The following MFSD8 variants were observed in gnomAD, a reference collection of about 807,000 sequenced individuals.
MFSD8 encodes the protein major facilitator superfamily domain containing 8, also known as major facilitator superfamily domain-containing protein 8.
A neutral mutation model predicts 66.4 loss-of-function variants in MFSD8; 55 were observed. The observed-to-expected ratio is 0.83, with a 90% CI of 0.67 to 1.04. The LOEUF is 1.04. Ranked by LOEUF, MFSD8 falls within the 50% of genes least tolerant of loss-of-function variation. The pLI, the probability that MFSD8 is intolerant of heterozygous loss-of-function variation, is 0.00. For synonymous variants in MFSD8, 202 were observed against 212.8 expected (o/e 0.95, Z 0.44); for missense variants, 550 against 627.6 (o/e 0.88, Z 1.32).
At chr4:127,956,422 C>A (rs1742878124) in intron 2 of MFSD8, among the ~76,000 whole-genome samples, 1 of 151,120 alleles carries the variant, frequency 6.6e-6, no homozygotes, top group South Asian at 2.1e-4. Context: ...ATCACGCGAA[C>A]CTGGGAGGCG....
intron 9 of MFSD8, among the ~76,000 whole-genome samples, chr4:127,923,360 C>T (rs930092649): frequency 1.3e-5 from 2 of 151,762 alleles, no homozygotes; most frequent in African/African-American, 2.4e-5. Context: ...TTATCAAAGG[C>T]CTTTTCTGCA....
Position 127,956,418 on chromosome 4 carries a change from C to A in MFSD8, c.154+1083G>T, listed in dbSNP as rs201299504. On this transcript the variant is annotated intron_variant, in intron 2 of 11. Coordinates refer to ENST00000641686, the MANE Select transcript of MFSD8 (RefSeq NM_001371596.2). ...GGGAGGCTGAGGCAGGAGAATCACG[C>A]GAACCTGGGAGGCGGAGCTTGCAGT... 2.7e-4 allele frequency among the ~76,000 whole-genome samples: 40 copies of A among 149,604 alleles called. No homozygotes were observed. The East Asian group carries it at 7.5e-3, about 28-fold the overall frequency.
In MFSD8 at chr4:127,921,606, G is replaced by A. The variant is rs3733319; in HGVS notation, c.1268C>T (p.Ala423Val). The A allele has an allele frequency of 0.036, 58,736 of 1,614,074 alleles. 4,091 individuals carry two copies. The highest frequency in any genetic ancestry group is 0.29 in the East Asian group (13,045 of 44,878). ...TGGATAGCCTAATCCTATTAGCACA[G>A]CTGATGTAAGGAACTGGGCCAGATG... ...VIHLAQFLTS[A>V]VLIGLGYPVC... Residue 423 changes from alanine (A) to valine (V), a missense_variant, in exon 11 of 12, where the codon GCT becomes GTT. Physicochemically the swap from Ala to Val is moderately conservative, Grantham distance 64. Transcript: ENST00000641686.
At chr4:127,964,135 T>A (rs1412672365) in intron 1 of MFSD8, among the ~76,000 whole-genome samples, 1 of 152,238 alleles carries the variant, frequency 6.6e-6, no homozygotes, top group Admixed American at 6.5e-5. Flanking sequence ...ATAAACGTTC[T>A]CCACGTCTCC....
At chr4:127,939,183 T>A (rs114542613) in intron 6 of MFSD8, 4,153 of 167,564 alleles carry the variant, frequency 0.025, 163 homozygotes, top group African/African-American at 0.093. Flanking sequence ...TTTTAAAAAA[T>A]TTTTTCGAAT....
At chr4:127,934,935 T>A (rs1738800387) in intron 7 of MFSD8, among the ~76,000 whole-genome samples, 1 of 137,680 alleles carries the variant, frequency 7.3e-6, no homozygotes, top group African/African-American at 2.7e-5. Context: ...GTGTCAGTTG[T>A]TGTTAGTGGG....
At chr4:127,940,550 G>GTA (rs1247015734) in intron 5 of MFSD8, among the ~76,000 whole-genome samples, 21 of 146,276 alleles carry the variant, frequency 1.4e-4, no homozygotes, top group African/African-American at 4.0e-4. Flanking sequence ...GTGTGTGTGT[G>GTA]TATATATTTA....
chr4:127,961,769 C>G (rs1447472542), intron 1 of MFSD8, among the ~76,000 whole-genome samples: 1 of 137,376 alleles, frequency 7.3e-6, no homozygotes, highest in Non-Finnish European at 1.5e-5. Flanking sequence ...TGCAGTGAGC[C>G]GAGATTGCGC....
intron 9 of MFSD8, among the ~76,000 whole-genome samples, chr4:127,926,708 A>G (rs1029692723): frequency 1.3e-5 from 2 of 152,048 alleles, no homozygotes; most frequent in Non-Finnish European, 2.9e-5. Flanking sequence ...GAATTCTCAT[A>G]GTACCCCCAT....
Position 127,949,383 on chromosome 4 carries a change from T to C in MFSD8, c.198+421A>G, listed in dbSNP as rs142636493. ...AATACATATGTTCTAGTCTTTACAA[T>C]GTTACCTGATAGCCCAAATTAATTT... On this transcript the variant is annotated intron_variant, in intron 3 of 11. Transcript: ENST00000641686. Among the ~76,000 whole-genome samples the C allele has an allele frequency of 2.6e-3, 398 of 152,324 alleles. 2 individuals are homozygous for C. Among genetic ancestry groups the C allele is most frequent in the African/African-American group, 9.2e-3 (382 of 41,588 alleles).
At chr4:127,949,321 A>AC (rs1560763282) in intron 3 of MFSD8, among the ~76,000 whole-genome samples, 2 of 152,182 alleles carry the variant, frequency 1.3e-5, no homozygotes, top group Non-Finnish European at 2.9e-5. Flanking sequence ...TATTCATGTC[A>AC]CCCCCTCTTC....
chr4:127,965,407 A>G (rs1744939619), upstream of MFSD8: 17 of 572,824 alleles, frequency 3.0e-5, 1 homozygote, highest in South Asian at 3.4e-4. Flanking sequence ...GGCGTGTCCA[A>G]ACTGCCGCGC....
chr4:127,965,009 C>T, intron 1 of MFSD8, 63 bp downstream of exon 1: 1 of 1,582,132 alleles, frequency 6.3e-7, no homozygotes, highest in South Asian at 1.1e-5. Context: ...GGGTGACGCC[C>T]GGAAAGGAAC....
chr4:127,940,696 C>T (rs1411256563), intron 5 of MFSD8, among the ~76,000 whole-genome samples: 1 of 146,282 alleles, frequency 6.8e-6, no homozygotes, highest in Non-Finnish European at 1.5e-5. Context: ...TGTTTTTGGA[C>T]TGCTGGATAA....
chr4:127,932,886 A>G (rs1353508401), intron 8 of MFSD8, 99 bp downstream of exon 8: 8 of 1,108,368 alleles, frequency 7.2e-6, no homozygotes, highest in Admixed American at 2.4e-5. Context: ...TTTGCCTTAC[A>G]TAAGATTTTC....
chr4:127,965,067 C>T lies in MFSD8; in HGVS notation c.62+5G>A, dbSNP rs1269799994. ...TGAGGGGTCCCTCCACCAGGATCCG[C>T]TCACCTGCTTCCAGGTGTGTCGCCT... On this transcript the variant is annotated splice_donor_5th_base_variant and intron_variant, in intron 1 of 11. Coordinates refer to ENST00000641686, the MANE Select transcript of MFSD8 (RefSeq NM_001371596.2). The T allele has an allele frequency of 6.2e-7, 1 of 1,613,530 alleles. No individual in the cohort carries two copies. The highest frequency in any genetic ancestry group is 1.1e-5 in the South Asian group (1 of 90,894).
At chr4:127,923,746 A>T (rs993434859) in intron 9 of MFSD8, among the ~76,000 whole-genome samples, 2 of 150,630 alleles carry the variant, frequency 1.3e-5, no homozygotes, top group African/African-American at 4.9e-5. Flanking sequence ...CGCCTGGCTA[A>T]TTTTTTTTGT....
intron 1 of MFSD8, among the ~76,000 whole-genome samples, chr4:127,962,323 C>T (rs1409214945): frequency 1.3e-5 from 2 of 152,046 alleles, no homozygotes; most frequent in East Asian, 1.9e-4. Context: ...AAAAATTAGC[C>T]GTGTCTGGTG....
In MFSD8 at chr4:127,923,179, T is replaced by C. The variant is rs143303886; in HGVS notation, c.999-1216A>G. 4.6e-5 allele frequency among the ~76,000 whole-genome samples: 7 copies of C among 152,184 alleles called. No individual in the cohort carries two copies. In the East Asian group the frequency reaches 1.4e-3, roughly 29 times the overall value. On this transcript the variant is annotated intron_variant, in intron 9 of 11. Transcript: ENST00000641686. The stretch of plus-strand genomic sequence containing the variant: ...CCAACACTATGTTGAACAGGAGAGG[T>C]GAGAGAGGGTATCCTTGTCTTGTGC...
Sources: allele counts gnomAD v4.1 joint callset (sites outside exome capture counted in the v4.1 genomes callset), GRCh38; gene constraint gnomAD v4.1.1; transcripts MANE v1.5; gene names NCBI Gene and HGNC (gene_info 2026-07-23, HGNC 2026-07-21).